RALYL: variants seen among roughly 807,000 people sequenced by gnomAD.
The protein encoded by RALYL is RALY RNA binding protein like.
In RALYL, 29 loss-of-function variants were observed where a neutral mutation model predicts 35.1. The observed-to-expected ratio is 0.83, with a 90% CI of 0.61 to 1.13. RALYL has a LOEUF of 1.13. RALYL is among the 50% of genes most tolerant of loss of function. The pLI is 0.00. For synonymous variants in RALYL, 120 were observed against 127.6 expected, an observed-to-expected ratio of 0.94 and a Z score of 0.40; for missense variants, 359 against 360.4, an observed-to-expected ratio of 1.00 and a Z score of 0.03.
intron 1 of RALYL, among the ~76,000 whole-genome samples, chr8:84,433,807 ATGTGTGCGTG>A (rs1331654535): frequency 8.6e-6 from 1 of 116,506 alleles, no homozygotes; most frequent in Non-Finnish European, 1.9e-5. Context: ...GTGTGCATGT[ATGTGTGCGTG>A]TGTGTGTGTG....
At chr8:84,251,775 C>A (rs765088857) in intron 1 of RALYL, among the ~76,000 whole-genome samples, 11 of 151,652 alleles carry the variant, frequency 7.3e-5, no homozygotes, top group Admixed American at 2.0e-4. Context: ...TGTTTTGATT[C>A]GTGCCTTTTG....
chr8:84,234,113 G>A (rs943186332), intron 1 of RALYL, among the ~76,000 whole-genome samples: 10 of 152,060 alleles, frequency 6.6e-5, no homozygotes, highest in Non-Finnish European at 1.5e-4. Context: ...ATATCATAAG[G>A]AAAAGCCAGA....
intron 1 of RALYL, among the ~76,000 whole-genome samples, chr8:84,321,042 A>G (rs1048611681): frequency 3.3e-5 from 5 of 152,088 alleles, no homozygotes; most frequent in Admixed American, 6.6e-5. Flanking sequence ...GTTAGGGGAG[A>G]CTTCTATTTG....
In RALYL at chr8:84,184,269, C is replaced by T. The variant is rs1284274444; in HGVS notation, c.-179C>T. Reference sequence around the variant, plus strand: ...ATGATAGATATCCTGATATCTATATCTATATTGTCCCTTATTTCTCCCCCT... The same window carrying T: ...ATGATAGATATCCTGATATCTATATTTATATTGTCCCTTATTTCTCCCCCT... On this transcript the variant is annotated 5_prime_UTR_variant, in exon 1 of 9. Transcript: ENST00000521268. 6.6e-6 allele frequency: 1 copy of T among 151,818 alleles called. No individual in the cohort carries two copies. The highest frequency in any genetic ancestry group is 2.4e-5 in the African/African-American group (1 of 41,158). The allele number at this position is 151,818 out of a possible 1,614,324, so 9.4% of individuals were successfully genotyped here.
At chr8:84,378,916 G>A (rs547663755) in intron 1 of RALYL, among the ~76,000 whole-genome samples, 12 of 151,912 alleles carry the variant, frequency 7.9e-5, no homozygotes, top group East Asian at 7.8e-4. Flanking sequence ...TTCTAGTTCC[G>A]TATTTCTATA....
At chr8:84,295,557 C>T (rs983028450) in intron 1 of RALYL, among the ~76,000 whole-genome samples, 1 of 152,092 alleles carries the variant, frequency 6.6e-6, no homozygotes, top group Admixed American at 6.6e-5. Flanking sequence ...GTCTTGGCCT[C>T]CCAAAGTGCT....
chr8:84,581,347 T>C (rs1564183512), intron 2 of RALYL, among the ~76,000 whole-genome samples: 3 of 152,222 alleles, frequency 2.0e-5, no homozygotes, highest in Non-Finnish European at 2.9e-5. Context: ...CACCTTCTCA[T>C]ATCCACGGTT....
At chr8:84,324,666 TTTTACA>T (rs1253372169) in intron 1 of RALYL, among the ~76,000 whole-genome samples, 3 of 152,134 alleles carry the variant, frequency 2.0e-5, no homozygotes, top group Admixed American at 6.6e-5. Context: ...GATGCTTTTG[TTTTACA>T]TTATTTAATA....
chr8:84,372,084 A>G (rs898000848), intron 1 of RALYL, among the ~76,000 whole-genome samples: 5 of 152,144 alleles, frequency 3.3e-5, no homozygotes, highest in African/African-American at 9.7e-5. Context: ...GAAGTCATTC[A>G]TATAAAAACC....
chr8:84,521,485 G>A (rs2058454383), intron 1 of RALYL, among the ~76,000 whole-genome samples: 1 of 152,186 alleles, frequency 6.6e-6, no homozygotes, highest in Admixed American at 6.5e-5. Context: ...AGCCAGTTGT[G>A]TTGTTTCATC....
chr8:84,892,393 T>C (rs1230835988), intron 8 of RALYL, among the ~76,000 whole-genome samples: 1 of 152,060 alleles, frequency 6.6e-6, no homozygotes, highest in Non-Finnish European at 1.5e-5. Flanking sequence ...GTGAATTACC[T>C]GAGATCAAGA....
In RALYL at chr8:84,642,245, G is replaced by C. The variant is rs1397457908; in HGVS notation, c.256+112668G>C. 3.9e-5 allele frequency among the ~76,000 whole-genome samples: 6 copies of C among 151,902 alleles called. No homozygotes were observed. The East Asian group carries it at 1.2e-3, about 29-fold the overall frequency. On this transcript the variant is annotated intron_variant, in intron 2 of 8. Transcript: ENST00000521268. The stretch of plus-strand genomic sequence containing the variant: ...ATAGCTGGCTCCAAGTTATTTTTCT[G>C]ACAAAATTGGAACCTCTTCACATAG...
At chr8:84,516,570 CA>C (rs1306423450) in intron 1 of RALYL, among the ~76,000 whole-genome samples, 1 of 151,872 alleles carries the variant, frequency 6.6e-6, no homozygotes, top group African/African-American at 2.4e-5. Context: ...TCTATTGGAC[CA>C]AAATTGATAT....
chr8:84,422,728 C>T (rs2045815079), intron 1 of RALYL, among the ~76,000 whole-genome samples: 1 of 141,500 alleles, frequency 7.1e-6, no homozygotes, highest in Non-Finnish European at 1.5e-5. Context: ...GAATGCGTCC[C>T]AGAGATTCTG....
chr8:84,620,659 G>T (rs1178902705), intron 2 of RALYL, among the ~76,000 whole-genome samples: 2 of 152,116 alleles, frequency 1.3e-5, no homozygotes, highest in Non-Finnish European at 2.9e-5. Context: ...CTTTGGAGGA[G>T]GAGAGGCACT....
intron 2 of RALYL, among the ~76,000 whole-genome samples, chr8:84,536,757 C>G (rs1386327079): frequency 6.6e-6 from 1 of 152,086 alleles, no homozygotes; most frequent in Non-Finnish European, 1.5e-5. Flanking sequence ...GCCTCAGTGT[C>G]TAAAGAAGAT....
chr8:84,411,268 C>CT (rs928702873), intron 1 of RALYL, among the ~76,000 whole-genome samples: 13 of 151,984 alleles, frequency 8.6e-5, no homozygotes, highest in African/African-American at 3.1e-4. Context: ...ATAATAACAT[C>CT]TTGCTGATGG....
chr8:84,523,349 G>GA (rs534837888), intron 1 of RALYL, among the ~76,000 whole-genome samples: 1,540 of 145,234 alleles, frequency 0.011, 38 homozygotes, highest in African/African-American at 0.035. Context: ...ACAGCATGGG[G>GA]AAAAAAAAAC....
At chr8:84,197,773 G>GA (rs79968537) in intron 1 of RALYL, among the ~76,000 whole-genome samples, 19,527 of 128,236 alleles carry the variant, frequency 0.15, 1,518 homozygotes, top group East Asian at 0.25. Context: ...CCAGAAAAAG[G>GA]AAAAAAAAAA....
Sources: allele counts gnomAD v4.1 joint callset (sites outside exome capture counted in the v4.1 genomes callset), GRCh38; gene constraint gnomAD v4.1.1; transcripts MANE v1.5; gene names NCBI Gene and HGNC (gene_info 2026-07-23, HGNC 2026-07-21).